Variants in SLC16A1 observed in about 807,000 individuals in gnomAD.
The protein encoded by SLC16A1 is solute carrier family 16 member 1.
In SLC16A1, 11 loss-of-function variants were observed where a neutral mutation model predicts 32.2. That is an observed-to-expected ratio of 0.34 (90% CI 0.21 to 0.56). The LOEUF (loss-of-function observed/expected upper bound fraction) is 0.56, where lower values mean the gene tolerates loss of function less well. Ranked by LOEUF, SLC16A1 falls within the 20% of genes least tolerant of loss-of-function variation. SLC16A1 has a pLI of 0.87. For missense variants in SLC16A1, 435 were observed against 615.0 expected, an observed-to-expected ratio of 0.71 and a Z score of 3.10; for synonymous variants, 231 against 226.8, an observed-to-expected ratio of 1.02 and a Z score of -0.17.
intron 2 of SLC16A1, chr1:112,924,164 C>A (rs768857751): frequency 1.4e-6 from 2 of 1,478,324 alleles, no homozygotes; most frequent in Non-Finnish European, 1.9e-6. Context: ...GGTGGATGTA[C>A]CACCACTCAC....
chr1:112,940,222 G>C (rs140312450), intron 1 of SLC16A1, among the ~76,000 whole-genome samples: 8 of 151,696 alleles, frequency 5.3e-5, no homozygotes, highest in African/African-American at 1.9e-4. Flanking sequence ...ATGTTTTGTA[G>C]AGATGAAGTT....
intron 1 of SLC16A1, among the ~76,000 whole-genome samples, chr1:112,950,610 T>A (rs1273933999): frequency 1.3e-5 from 2 of 152,240 alleles, no homozygotes; most frequent in Non-Finnish European, 2.9e-5. Flanking sequence ...AAATGGTCAG[T>A]GACACCCTTC....
intron 1 of SLC16A1, among the ~76,000 whole-genome samples, chr1:112,950,634 A>T (rs567381656): frequency 3.3e-5 from 5 of 152,328 alleles, no homozygotes; most frequent in African/African-American, 1.2e-4. Context: ...GGCTCAGCCC[A>T]TGCAGCTGCC....
At chr1:112,933,192 G>T (rs575649853) in intron 1 of SLC16A1, among the ~76,000 whole-genome samples, 9 of 151,994 alleles carry the variant, frequency 5.9e-5, no homozygotes, top group Non-Finnish European at 8.8e-5. Context: ...AAAGTTGGCC[G>T]GGCGCAGTGG....
intron 1 of SLC16A1, among the ~76,000 whole-genome samples, chr1:112,933,054 T>G (rs956648836): frequency 6.6e-6 from 1 of 152,130 alleles, no homozygotes; most frequent in African/African-American, 2.4e-5. Flanking sequence ...AAAAGATGTA[T>G]GAGATATGTA....
intron 1 of SLC16A1, among the ~76,000 whole-genome samples, chr1:112,940,116 C>T (rs1200311915): frequency 1.3e-5 from 2 of 148,932 alleles, no homozygotes; most frequent in African/African-American, 2.5e-5. Context: ...GGTGCAGTGC[C>T]TCACTGTAGC....
chr1:112,919,039 A>ATTTATTTG (rs1648618997), intron 3 of SLC16A1, among the ~76,000 whole-genome samples: 1 of 151,174 alleles, frequency 6.6e-6, no homozygotes, highest in Non-Finnish European at 1.5e-5. Context: ...TTATTTATTT[A>ATTTATTTG]TTTATTTTTG....
chr1:112,916,844 G>A (rs531586691), intron 4 of SLC16A1, among the ~76,000 whole-genome samples: 10 of 152,138 alleles, frequency 6.6e-5, no homozygotes, highest in African/African-American at 2.4e-4. Flanking sequence ...CAGGGGAATC[G>A]CTTGAACCTG....
chr1:112,926,216 G>A (rs1648936801), intron 2 of SLC16A1, among the ~76,000 whole-genome samples: 1 of 152,134 alleles, frequency 6.6e-6, no homozygotes, highest in African/African-American at 2.4e-5. Context: ...ATATACATAA[G>A]ATAAGCATGT....
intron 2 of SLC16A1, chr1:112,923,895 C>CTCT: frequency 6.6e-7 from 1 of 1,526,018 alleles, no homozygotes; most frequent in Non-Finnish European, 9.1e-7. Context: ...GAAAACGGAG[C>CTCT]TCTTCCCCTG....
At position 112,917,766 on chromosome 1, in the gene SLC16A1, G is replaced by C. The variant is rs1648568106; in HGVS notation, c.640C>G (p.Leu214Val). ...KAGKDKSKAS[L>V]EKAGKSGVKK... Reference sequence around the variant, plus strand: ...ACACCAGATTTTCCAGCTTTCTCAAGGGATGCTTTAGACTTATCTTTCCCT... The same window carrying C: ...ACACCAGATTTTCCAGCTTTCTCAACGGATGCTTTAGACTTATCTTTCCCT... The change falls in exon 4 of 5, where the codon CTT becomes GTT. Residue 214 changes from leucine to valine, a missense_variant. Physicochemically the swap from Leu to Val is conservative, Grantham distance 32 (BLOSUM62 1). Coordinates refer to ENST00000369626, the MANE Select transcript of SLC16A1 (RefSeq NM_003051.4). The surrounding 1 kb of genome is among the most constrained non-coding windows in gnomAD (Gnocchi z 4.1). The C allele has an allele frequency of 6.2e-7, 1 of 1,614,050 alleles. No homozygotes were observed. Among genetic ancestry groups the C allele is most frequent in the African/African-American group, 1.3e-5 (1 of 74,924 alleles).
intron 1 of SLC16A1, among the ~76,000 whole-genome samples, chr1:112,945,042 A>G (rs1649648364): frequency 7.1e-6 from 1 of 140,212 alleles, no homozygotes; most frequent in Admixed American, 7.6e-5. Flanking sequence ...TCTGTCACCC[A>G]GGCTGGAGTG....
chr1:112,916,496 TAAAAAAAA>T (rs570173297), intron 4 of SLC16A1, among the ~76,000 whole-genome samples: 1 of 61,202 alleles, frequency 1.6e-5, no homozygotes, highest in African/African-American at 6.4e-5. Context: ...AAGACTGTCT[TAAAAAAAA>T]AAAAAAAAAA....
rs1374217679 is a variant in SLC16A1 at position 112,936,274 on chromosome 1, G to A, written c.-44-6922C>T. ...TGTAATCCAAACACTTTGGGAGGCCGAGGCGGGTGGATCACTTGAGGTCAG... is the reference window on the plus strand; with the variant it reads ...TGTAATCCAAACACTTTGGGAGGCCAAGGCGGGTGGATCACTTGAGGTCAG... On this transcript the variant is annotated intron_variant, in intron 1 of 4. Coordinates refer to ENST00000369626, the MANE Select transcript of SLC16A1 (RefSeq NM_003051.4). Among the ~76,000 whole-genome samples, 5 of 152,092 alleles carry A rather than the reference G, an allele frequency of 3.3e-5. No homozygotes were observed. The South Asian group carries it at 6.2e-4, about 19-fold the overall frequency.
In SLC16A1 at chr1:112,943,121, C is replaced by T. The variant is rs551073835; in HGVS notation, c.-45+12914G>A. The stretch of plus-strand genomic sequence containing the variant: ...ATGATTTTATTTAGGGAGAATGAGG[C>T]TATTATATAAGAAAGGTGTGGGGGT... On this transcript the variant is annotated intron_variant, in intron 1 of 4. Coordinates refer to ENST00000369626, the MANE Select transcript of SLC16A1 (RefSeq NM_003051.4). Among the ~76,000 whole-genome samples the T allele has an allele frequency of 9.3e-4, 141 of 152,202 alleles. 5 individuals are homozygous for T. The South Asian group carries it at 0.029, about 31-fold the overall frequency.
At chr1:112,932,849 T>C (rs1649185328) in intron 1 of SLC16A1, among the ~76,000 whole-genome samples, 1 of 149,984 alleles carries the variant, frequency 6.7e-6, no homozygotes, top group Non-Finnish European at 1.5e-5. Flanking sequence ...AATAAAGTTG[T>C]TTTTATTCAG....
At chr1:112,921,902 C>T in intron 3 of SLC16A1, 88 bp downstream of exon 3, 1 of 1,454,228 alleles carries the variant, frequency 6.9e-7, no homozygotes, top group Non-Finnish European at 9.6e-7. Context: ...AAAAGAATTT[C>T]ACTCCAGAGA....
chr1:112,943,201 CAA>C (rs751980243), intron 1 of SLC16A1, among the ~76,000 whole-genome samples: 46 of 152,070 alleles, frequency 3.0e-4, no homozygotes, highest in Non-Finnish European at 5.1e-4. Context: ...CAACTTTTTT[CAA>C]AAGATAGTGA....
At chr1:112,954,929 T>G (rs983556575) in intron 1 of SLC16A1, among the ~76,000 whole-genome samples, 1 of 152,122 alleles carries the variant, frequency 6.6e-6, no homozygotes, top group Non-Finnish European at 1.5e-5. Flanking sequence ...TGAAGATACA[T>G]AGTCTTTGCA....
Sources: allele counts gnomAD v4.1 joint callset (sites outside exome capture counted in the v4.1 genomes callset), GRCh38; gene constraint gnomAD v4.1.1; non-coding constraint Gnocchi (gnomAD v3.1); transcripts MANE v1.5; gene names NCBI Gene and HGNC (gene_info 2026-07-23, HGNC 2026-07-21).